The following SCLT1 variants were observed in gnomAD, a reference collection of about 807,000 sequenced individuals.
SCLT1 encodes the protein sodium channel-associated protein 1.
In SCLT1, 78 loss-of-function variants were observed where a neutral mutation model predicts 112.8. The observed-to-expected ratio is 0.69, with a 90% confidence interval of 0.58 to 0.83. The LOEUF (loss-of-function observed/expected upper bound fraction) is 0.83. SCLT1 is among the 40% of genes least tolerant of loss of function. The probability of loss-of-function intolerance (pLI) is 0.00; values close to 1 mark genes in which losing one functional copy is unlikely to be tolerated. For missense variants in SCLT1, 747 were observed against 770.4 expected, an observed-to-expected ratio of 0.97 and a Z score of 0.36; for synonymous variants, 257 against 254.7, an observed-to-expected ratio of 1.01 and a Z score of -0.09.
At chr4:128,980,167 T>C (rs1053933921) in intron 9 of SCLT1, among the ~76,000 whole-genome samples, 2 of 152,290 alleles carry the variant, frequency 1.3e-5, no homozygotes, top group South Asian at 2.1e-4. Flanking sequence ...TCACATGGGA[T>C]TGTTTCCAAG....
At chr4:129,043,609 GA>G in intron 3 of SCLT1, 142 bp from the exon 4 acceptor site, 1 of 569,126 alleles carries the variant, frequency 1.8e-6, no homozygotes, top group African/African-American at 1.9e-5. Context: ...CCAAAACCAG[GA>G]ATTTTAAATA....
chr4:128,941,580 C>T (rs988037384), intron 17 of SCLT1, among the ~76,000 whole-genome samples: 1 of 151,742 alleles, frequency 6.6e-6, no homozygotes, highest in Non-Finnish European at 1.5e-5. Flanking sequence ...TATGAGTTCT[C>T]TTTTTGGTTA....
intron 18 of SCLT1, among the ~76,000 whole-genome samples, chr4:128,905,703 C>CCTTT (rs1332556273): frequency 2.6e-5 from 4 of 152,160 alleles, no homozygotes; most frequent in African/African-American, 9.7e-5. Flanking sequence ...TAACACTGGA[C>CCTTT]CTTTACACTT....
intron 17 of SCLT1, among the ~76,000 whole-genome samples, chr4:128,941,775 T>C (rs1375688390): frequency 6.6e-6 from 1 of 152,100 alleles, no homozygotes; most frequent in African/African-American, 2.4e-5. Context: ...CTAGAAACTA[T>C]CATTTCACAT....
At chr4:129,064,556 A>G (rs568898247) in intron 2 of SCLT1, among the ~76,000 whole-genome samples, 2 of 152,172 alleles carry the variant, frequency 1.3e-5, no homozygotes, top group Admixed American at 6.5e-5. Context: ...AGCTTTCAGC[A>G]TTGTATTTTT....
At chr4:128,919,059 G>A (rs921046307) in intron 18 of SCLT1, among the ~76,000 whole-genome samples, 2 of 151,878 alleles carry the variant, frequency 1.3e-5, no homozygotes, top group Non-Finnish European at 2.9e-5. Context: ...ATCTGCACAG[G>A]ACATTTGACT....
chr4:128,920,264 T>C (rs78398782), intron 18 of SCLT1, among the ~76,000 whole-genome samples: 2,649 of 152,250 alleles, frequency 0.017, 63 homozygotes, highest in African/African-American at 0.055. Context: ...AGAAATGTGA[T>C]TCACCACATA....
In SCLT1 at chr4:128,943,168, C is replaced by T. The variant is rs371973931; in HGVS notation, c.1460G>A (p.Arg487His). The change falls in exon 17 of 21, where the codon CGT (arginine) becomes CAT (histidine). Residue 487 changes from arginine (R) to histidine (H), a missense_variant. Around this residue, in one of 2 missense-constraint regions of SCLT1, gnomAD observed 723 missense variants for 721.3 expected, o/e 1.00. Coordinates refer to ENST00000281142, the MANE Select transcript of SCLT1 (RefSeq NM_144643.4). ...AAGTTTCTGAATCATTTCTTGGTAA[C>T]GTGATATTTCTTCTGAGGAGCTGAT... ...LETDSSEEIS[R>H]YQEMIQKLQN... The T allele has an allele frequency of 1.2e-5, 19 of 1,607,826 alleles. No homozygotes were observed. The highest frequency in any genetic ancestry group is 6.7e-5 in the African/African-American group (5 of 74,466).
At chr4:128,900,214 G>A (rs968720080) in intron 18 of SCLT1, among the ~76,000 whole-genome samples, 11 of 152,068 alleles carry the variant, frequency 7.2e-5, no homozygotes, top group African/African-American at 1.9e-4. Flanking sequence ...AGCCTGCATC[G>A]CCAAGTCAAT....
chr4:128,904,940 C>T lies in SCLT1; in HGVS notation c.1830-13803G>A, dbSNP rs182077591. 5.3e-5 allele frequency among the ~76,000 whole-genome samples: 8 copies of T among 152,234 alleles called. No individual in the cohort carries two copies. The East Asian group carries it at 1.5e-3, about 29-fold the overall frequency. On this transcript the variant is annotated intron_variant, in intron 18 of 20. Transcript: ENST00000281142. Reference sequence around the variant, plus strand: ...TTAGATATACTGGAGAACTTTGGGTCAGTGTTAGGTTCTTTCTTTCCCTAT... The same window carrying T: ...TTAGATATACTGGAGAACTTTGGGTTAGTGTTAGGTTCTTTCTTTCCCTAT...
chr4:129,065,633 G>A lies in SCLT1; in HGVS notation c.102+16673C>T, dbSNP rs142827305. Among the ~76,000 whole-genome samples, 247 of 152,124 alleles carry A rather than the reference G, an allele frequency of 1.6e-3. 2 individuals are homozygous for A. The highest frequency in any genetic ancestry group is 0.013 in the East Asian group (69 of 5,176). ...ACACATAGCGTGTGGGATTTGGCCA[G>A]TGGGCTATAGTTTGCTAAACTCTAA... On this transcript the variant is annotated intron_variant, in intron 2 of 20. Transcript: ENST00000281142.
At chr4:129,010,875 T>G (rs56107587) in intron 5 of SCLT1, among the ~76,000 whole-genome samples, 2,139 of 152,280 alleles carry the variant, frequency 0.014, 51 homozygotes, top group African/African-American at 0.046. Context: ...CAAATACGGA[T>G]AGTTTGACTT....
chr4:128,893,769 C>T (rs1579298695), intron 18 of SCLT1, among the ~76,000 whole-genome samples: 1 of 152,202 alleles, frequency 6.6e-6, no homozygotes, highest in Non-Finnish European at 1.5e-5. Flanking sequence ...TCTCAATCTC[C>T]TGACCTCGTG....
At chr4:128,893,962 G>C (rs1579299311) in intron 18 of SCLT1, among the ~76,000 whole-genome samples, 1 of 150,878 alleles carries the variant, frequency 6.6e-6, no homozygotes, top group Admixed American at 6.6e-5. Flanking sequence ...TTTTTTGAGA[G>C]AGGGTCTCAC....
chr4:128,897,955 C>T (rs556929204), intron 18 of SCLT1, among the ~76,000 whole-genome samples: 21 of 152,140 alleles, frequency 1.4e-4, no homozygotes, highest in African/African-American at 3.9e-4. Flanking sequence ...AAGGGATCAA[C>T]TCAACAAGAA....
chr4:128,951,183 C>T (rs1419258546), intron 14 of SCLT1, among the ~76,000 whole-genome samples: 5 of 151,938 alleles, frequency 3.3e-5, no homozygotes, highest in Non-Finnish European at 7.4e-5. Context: ...TAATAGAAAA[C>T]AATAGCAAGC....
chr4:129,080,009 G>A, intron 2 of SCLT1, among the ~76,000 whole-genome samples: 1 of 152,220 alleles, frequency 6.6e-6, no homozygotes, highest in Non-Finnish European at 1.5e-5. Context: ...AGCCACAGCT[G>A]GAGCTGAAGC....
intron 1 of SCLT1, among the ~76,000 whole-genome samples, chr4:129,092,709 CAGG>C (rs770395710): frequency 1.1e-4 from 17 of 152,318 alleles, no homozygotes; most frequent in Middle Eastern, 3.4e-3. Context: ...ATAATAGAAA[CAGG>C]AGTTCAATAA....
At chr4:128,936,172 CATATGGTG>C (rs1300256772) in intron 18 of SCLT1, among the ~76,000 whole-genome samples, 1 of 150,886 alleles carries the variant, frequency 6.6e-6, no homozygotes, top group Admixed American at 6.6e-5. Flanking sequence ...TATAGTAAAT[CATATGGTG>C]ATATAGTAGA....
Sources: gnomAD v4.1 joint callset for allele counts (sites outside exome capture counted in the v4.1 genomes callset) on GRCh38, gnomAD v4.1.1 for gene constraint, gnomAD v4.1.1 regional missense constraint, MANE v1.5 for transcripts, NCBI Gene and HGNC (gene_info 2026-07-23, HGNC 2026-07-21) for gene names.